Variants in ZFYVE19 observed in about 807,000 individuals in gnomAD.
ZFYVE19 encodes abscission/NoCut checkpoint regulator.
ZFYVE19 carries 49 observed loss-of-function variants against 62.8 expected under a neutral mutation model. That is an observed-to-expected ratio of 0.78 (90% CI 0.62 to 0.99). The LOEUF is 0.99. Ranked by LOEUF, ZFYVE19 falls within the 50% of genes least tolerant of loss-of-function variation. The pLI is 0.00. For synonymous variants in ZFYVE19, 242 were observed against 234.3 expected, an observed-to-expected ratio of 1.03 and a Z score of -0.30; for missense variants, 630 against 601.9, an observed-to-expected ratio of 1.05 and a Z score of -0.49.
chr15:40,812,913 G>C lies in ZFYVE19; in HGVS notation c.1030+11G>C. On this transcript the variant is annotated intron_variant, in intron 7 of 10. Transcript: ENST00000355341. ...AGGACCCCGAGAGAGGTGAAGGCTG[G>C]GGAGCAGCTGCTCACTGGTATCCCT... 6.2e-7 allele frequency: 1 copy of C among 1,607,532 alleles called. No homozygotes were observed. Among genetic ancestry groups the C allele is most frequent in the Non-Finnish European group, 8.5e-7 (1 of 1,179,714 alleles).
At chr15:40,809,703 G>T in intron 3 of ZFYVE19, 149 bp from the exon 4 acceptor site, 1 of 970,118 alleles carries the variant, frequency 1.0e-6, no homozygotes, top group Non-Finnish European at 1.6e-6. Context: ...TGGGCTGCAG[G>T]GTGACATGAG....
chr15:40,809,079 G>A, intron 1 of ZFYVE19, 40 bp from the exon 2 acceptor site: 1 of 1,608,220 alleles, frequency 6.2e-7, no homozygotes. Context: ...GCCTGCAGGG[G>A]CGGGTGAGAG....
At position 40,812,967 on chromosome 15, in the gene ZFYVE19, T is replaced by A. The variant is rs1002498243; in HGVS notation, c.1030+65T>A. On this transcript the variant is annotated intron_variant, in intron 7 of 10. Transcript: ENST00000355341. ...TCAAGGCCTCCCTGGCAGGGCTGAG[T>A]CAGGTGCTGGGGGTATTTGCGCCCA... is the stretch of plus-strand genomic sequence containing the variant. 22 of 1,565,534 alleles carry A rather than the reference T, an allele frequency of 1.4e-5. No homozygotes were observed. The African/African-American group carries it at 2.8e-4, about 20-fold the overall frequency.
chr15:40,814,745 A>G lies in ZFYVE19; in HGVS notation c.*519A>G, dbSNP rs1375397720. 5.9e-6 allele frequency: 1 copy of G among 168,674 alleles called. No homozygotes were observed. The highest frequency in any genetic ancestry group is 1.3e-5 in the Non-Finnish European group (1 of 77,176). The allele number at this position is 168,674 out of a possible 1,614,324, so 10.4% of individuals were successfully genotyped here. A position where few individuals can be genotyped will look rare whatever the true frequency, so the allele number is the denominator to read the frequency against. ...GTGGCCTCATACGAAGTAAACATGT[A>G]TTCATTCAACTCAACTGTGCTCCAG... On this transcript the variant is annotated 3_prime_UTR_variant, in exon 11 of 11. Coordinates refer to ENST00000355341, the MANE Select transcript of ZFYVE19 (RefSeq NM_001077268.2).
Position 40,814,210 on chromosome 15 carries a change from C to T in ZFYVE19, c.1400C>T (p.Ala467Val). ...ACATCTGCCTACTCTCCTCCACGTG[C>T]AGGCCAAGAGCACTGAAGACACCCT... ...HQTSAYSPPR[A>V]GQEH The change falls in exon 11 of 11, where the codon GCA becomes GTA. Residue 467 changes from alanine (A) to valine (V), a missense_variant. By Grantham distance (64) the Ala-to-Val change is moderately conservative (BLOSUM62 0). Coordinates refer to ENST00000355341, the MANE Select transcript of ZFYVE19 (RefSeq NM_001077268.2). The T allele has an allele frequency of 6.2e-7, 1 of 1,614,188 alleles. No individual in the cohort carries two copies. Among genetic ancestry groups the T allele is most frequent in the Non-Finnish European group, 8.5e-7 (1 of 1,180,040 alleles).
rs752689628 is a variant in ZFYVE19 at position 40,809,192 on chromosome 15, G to A, written c.353G>A (p.Gly118Glu). 1.2e-6 allele frequency: 2 copies of A among 1,614,214 alleles called. No individual in the cohort carries two copies. Among genetic ancestry groups the A allele is most frequent in the East Asian group, 4.5e-5 (2 of 44,884 alleles). ...TTCAGTGCAGCAGTGCCTCGGACTG[G>A]GAACACCCAACAGAAAGTCTGCAAG... ...LSFSAAVPRT[G>E]NTQQKVCKQC... is the part of the protein sequence containing the mutation. Residue 118 changes from glycine to glutamate, a missense_variant, in exon 2 of 11, where the codon GGG becomes GAG. Physicochemically the swap from Gly to Glu is moderately conservative, Grantham distance 98. Coordinates refer to ENST00000355341, the MANE Select transcript of ZFYVE19 (RefSeq NM_001077268.2).
chr15:40,810,013 G>C (rs754767915), intron 4 of ZFYVE19, 43 bp downstream of exon 4: 1 of 1,614,128 alleles, frequency 6.2e-7, no homozygotes, highest in Non-Finnish European at 8.5e-7. Flanking sequence ...CACAGTCCAG[G>C]GCTTCTGGGA....
At chr15:40,813,540 A>G in intron 8 of ZFYVE19, 123 bp downstream of exon 8, 20 of 1,154,594 alleles carry the variant, frequency 1.7e-5, no homozygotes, top group Non-Finnish European at 2.5e-5. Flanking sequence ...CCCTCCTGTG[A>G]CCCAGACCCA....
rs1181376902 is a variant in ZFYVE19 at position 40,812,557 on chromosome 15, A to AAAAGAAAG, written c.827-114_827-107dup. The AAAAGAAAG allele has an allele frequency of 3.3e-3, 1,549 of 464,840 alleles. 26 individuals carry two copies. The African/African-American group carries it at 0.033, about 10-fold the overall frequency. The allele number at this position is 464,840 out of a possible 1,614,324, so 28.8% of individuals were successfully genotyped here. On this transcript the variant is annotated intron_variant, in intron 6 of 10. Transcript: ENST00000355341. ...CGAGACTCCATCTCAAAAAAAAAAAAAAAGAAAGAAAGAAAGAAAGAAAGA... is the reference window on the plus strand; with the variant it reads ...CGAGACTCCATCTCAAAAAAAAAAAAAAAGAAAGAAAGAAAGAAAGAAAGAAAGAAAGA...
rs926217770 is a variant in ZFYVE19, at chr15:40,809,088, A to T, written c.280-31A>T. On this transcript the variant is annotated intron_variant, in intron 1 of 10. Transcript: ENST00000355341. ...GGAGCAGCCTGCAGGGGCGGGTGAG[A>T]GGGGGATCTCCCGCTTCATGTTTCT... The T allele has an allele frequency of 2.5e-5, 41 of 1,609,534 alleles. No homozygotes were observed. The Admixed American group carries it at 4.5e-4, about 18-fold the overall frequency.
Position 40,810,663 on chromosome 15 carries a change from G to C in ZFYVE19, c.732G>C (p.Pro244=). ...CGTCTGTGCAGGCACATCACACACCGGACACCAGGACCCAAGCCCAGCAGA... is the reference window on the plus strand; with the variant it reads ...CGTCTGTGCAGGCACATCACACACCCGACACCAGGACCCAAGCCCAGCAGA... The part of the protein sequence containing the change: ...SQTPQPAHHT[P]DTRTQAQQTQ... Residue 244 remains proline (P), a synonymous_variant, in exon 6 of 11, where the codon CCG becomes CCC. Transcript: ENST00000355341. 2 of 1,570,426 alleles carry C rather than the reference G, an allele frequency of 1.3e-6. No individual in the cohort carries two copies. The highest frequency in any genetic ancestry group is 3.8e-5 in the Admixed American group (2 of 53,252).
intron 3 of ZFYVE19, 60 bp from the exon 4 acceptor site, chr15:40,809,792 T>G: frequency 6.6e-7 from 1 of 1,521,674 alleles, no homozygotes. Flanking sequence ...AAACAGTGAG[T>G]GGGTGCCTTC....
At position 40,809,395 on chromosome 15, in the gene ZFYVE19, T is replaced by A. The variant is rs1171167094; in HGVS notation, c.402-13T>A. 5 of 1,614,156 alleles carry A rather than the reference T, an allele frequency of 3.1e-6. No individual in the cohort carries two copies. The Admixed American group carries it at 6.7e-5, about 22-fold the overall frequency. ...GATGGCAGGATTTATAACACTAGAT[T>A]TCTTCTCTGTAGAGGGTCTTCTGCC... On this transcript the variant is annotated splice_polypyrimidine_tract_variant and intron_variant, in intron 2 of 10. Transcript: ENST00000355341.
In ZFYVE19 at chr15:40,807,886, G is replaced by C. The variant is rs1467461690; in HGVS notation, c.279+18G>C. On this transcript the variant is annotated intron_variant, in intron 1 of 10. Coordinates refer to ENST00000355341, the MANE Select transcript of ZFYVE19 (RefSeq NM_001077268.2). Reference sequence around the variant, plus strand: ...AGAAGGAGGCGAGTCTTCCCTCCCCGAGGGCTGCAGGGCCAGGGAGGAGAG... The same window carrying C: ...AGAAGGAGGCGAGTCTTCCCTCCCCCAGGGCTGCAGGGCCAGGGAGGAGAG... The C allele has an allele frequency of 1.3e-6, 2 of 1,539,826 alleles. No homozygotes were observed. The highest frequency in any genetic ancestry group is 1.7e-6 in the Non-Finnish European group (2 of 1,151,190).
At position 40,814,534 on chromosome 15, in the gene ZFYVE19, C is replaced by T; in HGVS notation, c.*308C>T. 2.2e-6 allele frequency: 1 copy of T among 447,588 alleles called. No individual in the cohort carries two copies. Among genetic ancestry groups the T allele is most frequent in the Non-Finnish European group, 4.1e-6 (1 of 241,682 alleles). The allele number at this position is 447,588 out of a possible 1,614,324, so 27.7% of individuals were successfully genotyped here. A position where few individuals can be genotyped will look rare whatever the true frequency, so the allele number is the denominator to read the frequency against. On this transcript the variant is annotated 3_prime_UTR_variant, in exon 11 of 11. Transcript: ENST00000355341. ...TAGGGCACAGGCCCCTCCCCTGGCA[C>T]TTAGTGGGTCTAATAAAGTATGTTG... is the stretch of plus-strand genomic sequence containing the variant.
At chr15:40,812,606 AAAAG>A in intron 6 of ZFYVE19, 89 bp from the exon 7 acceptor site, 1 of 914,578 alleles carries the variant, frequency 1.1e-6, no homozygotes. Flanking sequence ...TTATTAAAGA[AAAAG>A]AAAAGAAAAG....
intron 1 of ZFYVE19, 191 bp downstream of exon 1, chr15:40,808,059 C>A (rs988899700): frequency 5.0e-6 from 5 of 1,003,900 alleles, no homozygotes; most frequent in Admixed American, 2.0e-5. Context: ...ATGTGAGGGT[C>A]CACTGAAGTG....
intron 3 of ZFYVE19, 108 bp from the exon 4 acceptor site, chr15:40,809,744 C>A (rs1346089566): frequency 2.4e-6 from 3 of 1,244,796 alleles, no homozygotes; most frequent in Non-Finnish European, 3.5e-6. Context: ...CCATTGGAGG[C>A]CTCCCTAAGT....
Position 40,815,025 on chromosome 15 carries a change from C to T in ZFYVE19, c.*799C>T, listed in dbSNP as rs1314646042. The T allele has an allele frequency of 6.6e-6, 1 of 152,488 alleles. No homozygotes were observed. The highest frequency in any genetic ancestry group is 1.5e-5 in the Non-Finnish European group (1 of 68,280). The allele number at this position is 152,488 out of a possible 1,614,324, so 9.4% of individuals were successfully genotyped here. On this transcript the variant is annotated 3_prime_UTR_variant, in exon 11 of 11. Transcript: ENST00000355341. ...TTTACATGCCTCTGCATTGCCTCTGCTGTTTCTCTTCCTGCCCCTGGCTGG... is the reference window on the plus strand; with the variant it reads ...TTTACATGCCTCTGCATTGCCTCTGTTGTTTCTCTTCCTGCCCCTGGCTGG...
Sources: allele counts gnomAD v4.1 joint callset, GRCh38; gene constraint gnomAD v4.1.1; transcripts MANE v1.5; gene names NCBI Gene and HGNC (gene_info 2026-07-23, HGNC 2026-07-21).